Variants in NRXN3 observed in about 807,000 individuals in gnomAD.
NRXN3 encodes neurexin 3, also known as neurexin III.
In NRXN3, 32 loss-of-function variants were observed where a neutral mutation model predicts 137.6. The observed-to-expected ratio is 0.23, with a 90% CI of 0.18 to 0.31. NRXN3 has a LOEUF of 0.31. NRXN3 is among the 10% of genes least tolerant of loss of function. NRXN3 has a pLI of 1.00. For synonymous variants in NRXN3, 798 were observed against 784.5 expected, an observed-to-expected ratio of 1.02 and a Z score of -0.29; for missense variants, 1,574 against 2,062.5, an observed-to-expected ratio of 0.76 and a Z score of 4.59.
At chr14:78,748,931 G>A (rs1162052196) in intron 8 of NRXN3, among the ~76,000 whole-genome samples, 2 of 152,270 alleles carry the variant, frequency 1.3e-5, no homozygotes, top group South Asian at 2.1e-4. Flanking sequence ...CAGGACATCC[G>A]TGTACAGCCT....
At chr14:79,210,441 T>C (rs2153225045) in intron 15 of NRXN3, among the ~76,000 whole-genome samples, 1 of 152,310 alleles carries the variant, frequency 6.6e-6, no homozygotes, top group South Asian at 2.1e-4. Flanking sequence ...ATTTGGGATC[T>C]ATTATATGTT....
At chr14:79,738,467 A>G (rs1231429559) in intron 19 of NRXN3, among the ~76,000 whole-genome samples, 1 of 152,138 alleles carries the variant, frequency 6.6e-6, no homozygotes, top group Admixed American at 6.5e-5. Flanking sequence ...CTTCAGAGAG[A>G]ATGTGGCCCT....
At chr14:79,136,199 T>C (rs2370926) in intron 15 of NRXN3, among the ~76,000 whole-genome samples, 50,442 of 152,082 alleles carry the variant, frequency 0.33, 8,883 homozygotes, top group Admixed American at 0.46. Context: ...GTCAGTGGCC[T>C]CTATGATACT....
At chr14:78,562,807 C>CGTAT (rs754441716) in intron 4 of NRXN3, among the ~76,000 whole-genome samples, 11 of 152,122 alleles carry the variant, frequency 7.2e-5, no homozygotes, top group Non-Finnish European at 1.2e-4. Context: ...TGATAGATAA[C>CGTAT]CATAATAGAA....
rs115338859 is a variant in NRXN3 at position 79,304,988 on chromosome 14, C to G, written c.3263-162233C>G. The stretch of plus-strand genomic sequence containing the variant: ...AACATCCTGAAGATTCTGAATCTTG[C>G]AGCCTGCCAGAAGCACAGCAGTGCT... On this transcript the variant is annotated intron_variant, in intron 15 of 20. Transcript: ENST00000335750. 9.2e-3 allele frequency among the ~76,000 whole-genome samples: 1,403 copies of G among 152,156 alleles called. 22 individuals carry two copies. Among genetic ancestry groups the G allele is most frequent in the African/African-American group, 0.033 (1,361 of 41,536 alleles).
intron 15 of NRXN3, among the ~76,000 whole-genome samples, chr14:79,302,853 A>G (rs1393443076): frequency 2.6e-5 from 4 of 151,900 alleles, no homozygotes; most frequent in Non-Finnish European, 5.9e-5. Flanking sequence ...TTCTTTATAA[A>G]TTACCCAGTC....
chr14:78,186,858 T>C (rs1291334501), intron 1 of NRXN3, among the ~76,000 whole-genome samples: 1 of 152,184 alleles, frequency 6.6e-6, no homozygotes, highest in African/African-American at 2.4e-5. Flanking sequence ...GGGAGAGCCC[T>C]AGACTTGGAA....
intron 15 of NRXN3, among the ~76,000 whole-genome samples, chr14:79,121,681 C>A (rs1324807743): frequency 6.6e-6 from 1 of 152,184 alleles, no homozygotes; most frequent in African/African-American, 2.4e-5. Context: ...AACTGACAGA[C>A]TTCACAAGAA....
chr14:79,788,904 G>A (rs897826003), intron 19 of NRXN3, among the ~76,000 whole-genome samples: 3 of 152,216 alleles, frequency 2.0e-5, no homozygotes, highest in Middle Eastern at 3.4e-3. Context: ...AGGTATAAAT[G>A]GAATGAAATG....
chr14:78,521,889 T>G (rs2096289554), intron 4 of NRXN3, among the ~76,000 whole-genome samples: 1 of 152,192 alleles, frequency 6.6e-6, no homozygotes. Context: ...ATTGTTGTCC[T>G]TTATTGTTTG....
chr14:79,697,299 C>T (rs1304534362), intron 18 of NRXN3, among the ~76,000 whole-genome samples: 1 of 151,872 alleles, frequency 6.6e-6, no homozygotes, highest in African/African-American at 2.4e-5. Flanking sequence ...TGGTCATCAC[C>T]TGATTTGAGT....
At chr14:78,292,423 A>G (rs756778476) in intron 3 of NRXN3, among the ~76,000 whole-genome samples, 9 of 152,172 alleles carry the variant, frequency 5.9e-5, no homozygotes, top group African/African-American at 2.4e-5. Context: ...ATGTACCCTG[A>G]GAACCTGTGC....
chr14:79,038,326 T>G (rs1181277395), intron 15 of NRXN3, among the ~76,000 whole-genome samples: 1 of 152,054 alleles, frequency 6.6e-6, no homozygotes, highest in Admixed American at 6.6e-5. Flanking sequence ...CCTGGCAAAA[T>G]TTAGTAGCCT....
chr14:79,234,049 G>A (rs938728742), intron 15 of NRXN3, among the ~76,000 whole-genome samples: 6 of 151,256 alleles, frequency 4.0e-5, no homozygotes, highest in African/African-American at 1.5e-4. Flanking sequence ...TCACCTCTGG[G>A]AGTGAATAGG....
At chr14:79,365,964 A>G (rs2093878134) in intron 15 of NRXN3, among the ~76,000 whole-genome samples, 1 of 152,090 alleles carries the variant, frequency 6.6e-6, no homozygotes, top group Non-Finnish European at 1.5e-5. Flanking sequence ...TTTATTAAAC[A>G]TCTATTATGT....
chr14:79,449,744 C>G (rs2096131669), intron 15 of NRXN3, among the ~76,000 whole-genome samples: 1 of 152,164 alleles, frequency 6.6e-6, no homozygotes, highest in African/African-American at 2.4e-5. Flanking sequence ...AATCCCAGCT[C>G]TCTGGGAGGC....
At chr14:79,043,621 A>G (rs1487081862) in intron 15 of NRXN3, among the ~76,000 whole-genome samples, 1 of 152,126 alleles carries the variant, frequency 6.6e-6, no homozygotes, top group East Asian at 1.9e-4. Context: ...CTTGGGATCT[A>G]TGGCCCGGGA....
intron 15 of NRXN3, among the ~76,000 whole-genome samples, chr14:79,326,308 G>A (rs939925432): frequency 6.6e-6 from 1 of 151,914 alleles, no homozygotes; most frequent in African/African-American, 2.4e-5. Flanking sequence ...CTGCTTACTG[G>A]GTGCCAACAA....
At chr14:79,276,532 G>A (rs1222438543) in intron 15 of NRXN3, among the ~76,000 whole-genome samples, 3 of 152,080 alleles carry the variant, frequency 2.0e-5, no homozygotes, top group Admixed American at 1.3e-4. Flanking sequence ...TTATAAGTAT[G>A]ACAAGTGAAA....
Sources: gnomAD v4.1 joint callset for allele counts (sites outside exome capture counted in the v4.1 genomes callset) on GRCh38, gnomAD v4.1.1 for gene constraint, MANE v1.5 for transcripts, NCBI Gene and HGNC (gene_info 2026-07-23, HGNC 2026-07-21) for gene names.